The following ENO2 variants were observed in gnomAD, a reference collection of about 807,000 sequenced individuals.
ENO2 encodes gamma-enolase.
ENO2 carries 19 observed loss-of-function variants against 48.7 expected under a neutral mutation model. The ratio of observed to expected loss-of-function variants is 0.39; its 90% CI spans 0.27 to 0.57. ENO2 has a LOEUF of 0.57. Ranked by LOEUF, ENO2 falls within the 20% of genes least tolerant of loss-of-function variation. ENO2 has a pLI of 0.58. For missense variants in ENO2, 416 were observed against 555.0 expected (o/e 0.75, Z 2.52); for synonymous variants, 198 against 213.4 (o/e 0.93, Z 0.63).
chr12:6,916,656 T>C lies in ENO2; in HGVS notation c.182-15T>C. 1 of 1,614,080 alleles carries C rather than the reference T, an allele frequency of 6.2e-7. No homozygotes were observed. Among genetic ancestry groups the C allele is most frequent in the South Asian group, 1.1e-5 (1 of 91,076 alleles). ...CCTCCTGGCCCGACCCAGTCCAGCC[T>C]CTTCCTTTCCCCAGGTGTCCTGAAG... On this transcript the variant is annotated splice_polypyrimidine_tract_variant and intron_variant, in intron 3 of 11. Coordinates refer to ENST00000229277, the MANE Select transcript of ENO2 (RefSeq NM_001975.3). The surrounding 1 kb of genome is among the most constrained non-coding windows in gnomAD (Gnocchi z 4.5).
In ENO2 at chr12:6,918,284, A is replaced by G. The variant is rs546734095; in HGVS notation, c.667+122A>G. The G allele has an allele frequency of 1.6e-4, 153 of 947,266 alleles. 1 individual carries two copies. Among genetic ancestry groups the G allele is most frequent in the Non-Finnish European group, 2.2e-4 (138 of 641,702 alleles). The allele number at this position is 947,266 out of a possible 1,614,324, so 58.7% of individuals were successfully genotyped here. On this transcript the variant is annotated intron_variant, in intron 7 of 11. Coordinates refer to ENST00000229277, the MANE Select transcript of ENO2 (RefSeq NM_001975.3). Reference sequence around the variant, plus strand: ...GGGTCCTAGGACTCTGCAAACTCCAAAAGGTACCAGTTCTTAGAGTGGATT... The same window carrying G: ...GGGTCCTAGGACTCTGCAAACTCCAGAAGGTACCAGTTCTTAGAGTGGATT...
At chr12:6,915,500 A>G in intron 1 of ENO2, 2 of 310,380 alleles carry the variant, frequency 6.4e-6, no homozygotes, top group East Asian at 6.2e-5. Flanking sequence ...CCGGCTGGCC[A>G]AGCTGCAAAG....
intron 8 of ENO2, among the ~76,000 whole-genome samples, chr12:6,920,435 T>G (rs192784568): frequency 1.1e-4 from 17 of 151,660 alleles, no homozygotes; most frequent in African/African-American, 4.1e-4. Context: ...GTTTGACTCT[T>G]CTTGCCCAGG....
intron 8 of ENO2, 47 bp downstream of exon 8, chr12:6,919,810 G>C (rs781975790): frequency 6.3e-7 from 1 of 1,595,110 alleles, no homozygotes; most frequent in Non-Finnish European, 8.6e-7. Context: ...AGGCAGGGAC[G>C]TGTCCCAGCA....
intron 7 of ENO2, among the ~76,000 whole-genome samples, chr12:6,918,560 C>G (rs1161600840): frequency 6.6e-6 from 1 of 151,244 alleles, no homozygotes; most frequent in Admixed American, 6.6e-5. Flanking sequence ...ACTGTGGTCT[C>G]GAACTCCTGA....
At chr12:6,915,694 ACCC>A in intron 1 of ENO2, 124 bp from the exon 2 acceptor site, 12 of 145,544 alleles carry the variant, frequency 8.2e-5, no homozygotes, top group Non-Finnish European at 1.4e-4. Flanking sequence ...GCGCCTCCCT[ACCC>A]ACCCCCCACC....
In ENO2 at chr12:6,922,197, T is replaced by C. The variant is rs1945347322; in HGVS notation, c.1176+33T>C. On this transcript the variant is annotated intron_variant, in intron 10 of 11. Transcript: ENST00000229277. This position sits in a 1 kb window ranked among gnomAD's most constrained non-coding sequence, Gnocchi z 5.3. Reference sequence around the variant, plus strand: ...AGGCAGCCTGGTGAGTGAAGAGAACTCTCTGTGGGATTGGTATTTCTAGCT... The same window carrying C: ...AGGCAGCCTGGTGAGTGAAGAGAACCCTCTGTGGGATTGGTATTTCTAGCT... 6.2e-7 allele frequency: 1 copy of C among 1,609,244 alleles called. No homozygotes were observed.
chr12:6,920,389 TG>T (rs200181738), intron 8 of ENO2, among the ~76,000 whole-genome samples: 17 of 138,488 alleles, frequency 1.2e-4, no homozygotes, highest in African/African-American at 3.2e-4. Flanking sequence ...GGGGTGGGGT[TG>T]TTTTTTTTGT....
At chr12:6,919,523 T>G (rs782192640) in intron 7 of ENO2, 43 bp from the exon 8 acceptor site, 1 of 1,605,178 alleles carries the variant, frequency 6.2e-7, no homozygotes, top group African/African-American at 1.3e-5. Flanking sequence ...TCCTTGCCCA[T>G]CCCTCCTGCT....
chr12:6,915,587 C>A (rs1283424457), intron 1 of ENO2: 2 of 531,576 alleles, frequency 3.8e-6, no homozygotes, highest in Admixed American at 6.2e-5. Context: ...TCTTACCCCG[C>A]CCCCCACTGC....
chr12:6,916,871 T>A lies in ENO2; in HGVS notation c.240+142T>A. On this transcript the variant is annotated intron_variant, in intron 4 of 11. Transcript: ENST00000229277. The surrounding 1 kb of genome is among the most constrained non-coding windows in gnomAD (Gnocchi z 4.5). Reference sequence around the variant, plus strand: ...GAAGGGTGGGGAACAGCTTCCTTAATGCACCCTGCTCCCATGGGAGTTCAG... The same window carrying A: ...GAAGGGTGGGGAACAGCTTCCTTAAAGCACCCTGCTCCCATGGGAGTTCAG... The A allele has an allele frequency of 7.2e-7, 1 of 1,384,116 alleles. No homozygotes were observed. The highest frequency in any genetic ancestry group is 1.0e-6 in the Non-Finnish European group (1 of 1,000,238). The allele number at this position is 1,384,116 out of a possible 1,614,324, so 85.7% of individuals were successfully genotyped here.
chr12:6,916,962 G>T lies in ENO2; in HGVS notation c.241-76G>T. ...TGGACCCTGGCCAAATGTGAGCTTG[G>T]GTGTGAATGAGGGGACCCTCTGCCT... On this transcript the variant is annotated intron_variant, in intron 4 of 11. Transcript: ENST00000229277. This position sits in a 1 kb window ranked among gnomAD's most constrained non-coding sequence, Gnocchi z 4.5. 1 of 1,593,086 alleles carries T rather than the reference G, an allele frequency of 6.3e-7. No homozygotes were observed. The highest frequency in any genetic ancestry group is 1.1e-5 in the South Asian group (1 of 90,596).
Position 6,922,120 on chromosome 12 carries a change from G to A in ENO2, c.1132G>A (p.Asp378Asn), listed in dbSNP as rs1555142179. The A allele has an allele frequency of 6.2e-7, 1 of 1,614,126 alleles. No homozygotes were observed. The highest frequency in any genetic ancestry group is 2.2e-5 in the East Asian group (1 of 44,878). ...MVSHRSGETEDTFIADLVVGL... is the reference protein window; with the variant it reads ...MVSHRSGETENTFIADLVVGL... ...GAGTCATCGCTCAGGAGAGACTGAG[G>A]ACACATTCATTGCTGACCTGGTGGT... Residue 378 changes from aspartate (D) to asparagine (N), a missense_variant, in exon 10 of 12, where the codon GAC becomes AAC. Physicochemically the swap from Asp to Asn is conservative, Grantham distance 23. Transcript: ENST00000229277. This position sits in a 1 kb window ranked among gnomAD's most constrained non-coding sequence, Gnocchi z 5.3.
In ENO2 at chr12:6,922,880, CCCT is replaced by C. The variant is rs1190889302; in HGVS notation, c.*81_*83del. Reference sequence around the variant, plus strand: ...CTGTCCTGATCTGTGATAGTTCACCCCCTGAGATCCCCTGAGCCCCAGGGTGCC... The same window carrying C: ...CTGTCCTGATCTGTGATAGTTCACCCGAGATCCCCTGAGCCCCAGGGTGCC... On this transcript the variant is annotated 3_prime_UTR_variant, in exon 12 of 12. Coordinates refer to ENST00000229277, the MANE Select transcript of ENO2 (RefSeq NM_001975.3). This position sits in a 1 kb window ranked among gnomAD's most constrained non-coding sequence, Gnocchi z 5.3. The C allele has an allele frequency of 2.7e-6, 4 of 1,491,558 alleles. No individual in the cohort carries two copies. In the African/African-American group the frequency reaches 5.5e-5, roughly 21 times the overall value. 92.4% of individuals were successfully genotyped at this position (1,491,558 alleles called of 1,614,324 possible). A position where few individuals can be genotyped will look rare whatever the true frequency, so the allele number is the denominator to read the frequency against.
At chr12:6,918,214 A>G in intron 7 of ENO2, 52 bp downstream of exon 7, 1 of 1,583,124 alleles carries the variant, frequency 6.3e-7, no homozygotes, top group Non-Finnish European at 8.6e-7. Flanking sequence ...ATTGTGGGAC[A>G]TCAGAAAGGG....
At chr12:6,915,796 C>T (rs1253754758) in intron 1 of ENO2, 25 bp from the exon 2 acceptor site, 8 of 1,550,330 alleles carry the variant, frequency 5.2e-6, no homozygotes, top group Admixed American at 1.7e-5. Flanking sequence ...TTATCTTTCT[C>T]CTTCCTTCCC....
In ENO2 at chr12:6,916,880, C is replaced by T; in HGVS notation, c.240+151C>T. The T allele has an allele frequency of 2.9e-6, 4 of 1,379,152 alleles. No homozygotes were observed. In the South Asian group the frequency reaches 5.0e-5, roughly 17 times the overall value. The allele number at this position is 1,379,152 out of a possible 1,614,324, so 85.4% of individuals were successfully genotyped here. ...GGAACAGCTTCCTTAATGCACCCTGCTCCCATGGGAGTTCAGGTCCCCTAA... is the reference window on the plus strand; with the variant it reads ...GGAACAGCTTCCTTAATGCACCCTGTTCCCATGGGAGTTCAGGTCCCCTAA... On this transcript the variant is annotated intron_variant, in intron 4 of 11. Transcript: ENST00000229277. The surrounding 1 kb of genome is among the most constrained non-coding windows in gnomAD (Gnocchi z 4.5).
In ENO2 at chr12:6,917,690, C is replaced by T; in HGVS notation, c.420C>T (p.Asn140=). The change falls in exon 6 of 12, where the codon AAC becomes AAT. Residue 140 remains asparagine, a synonymous_variant. Transcript: ENST00000229277. ...GCCACATTGCTCAGCTGGCCGGGAA[C>T]TCAGACCTCATCCTGCCTGTGCCGG... ...LYRHIAQLAG[N]SDLILPVPAF... 6.5e-7 allele frequency: 1 copy of T among 1,549,506 alleles called. No individual in the cohort carries two copies.
rs939825847 is a variant in ENO2, at chr12:6,914,765, C to A, written c.-13+106C>A. 10 of 153,854 alleles carry A rather than the reference C, an allele frequency of 6.5e-5. No individual in the cohort carries two copies. The highest frequency in any genetic ancestry group is 2.4e-4 in the African/African-American group (10 of 41,498). 9.5% of individuals were successfully genotyped at this position (153,854 alleles called of 1,614,324 possible). On this transcript the variant is annotated intron_variant, in intron 1 of 11. Transcript: ENST00000229277. This position sits in a 1 kb window ranked among gnomAD's most constrained non-coding sequence, Gnocchi z 7.1. Reference sequence around the variant, plus strand: ...TGCGCACCTCTCCGCATCTCTGGCCCGGTGCAGCTGCGCACCTGCTCCGCC... The same window carrying A: ...TGCGCACCTCTCCGCATCTCTGGCCAGGTGCAGCTGCGCACCTGCTCCGCC...
Sources: allele counts gnomAD v4.1 joint callset (sites outside exome capture counted in the v4.1 genomes callset), GRCh38; gene constraint gnomAD v4.1.1; non-coding constraint Gnocchi (gnomAD v3.1); transcripts MANE v1.5; gene names NCBI Gene and HGNC (gene_info 2026-07-23, HGNC 2026-07-21).